Variants in BMPER observed in about 807,000 individuals in gnomAD.
BMPER encodes BMP-binding endothelial regulator protein.
In BMPER, 45 loss-of-function variants were observed where a neutral mutation model predicts 87.3. The observed-to-expected ratio is 0.52, with a 90% CI of 0.41 to 0.66. The LOEUF (loss-of-function observed/expected upper bound fraction) is 0.66, where lower values mean the gene tolerates loss of function less well. Ranked by LOEUF, BMPER falls within the 30% of genes least tolerant of loss-of-function variation. The probability of loss-of-function intolerance (pLI) is 0.00; values close to 1 mark genes in which losing one functional copy is unlikely to be tolerated. For missense variants in BMPER, 784 were observed against 867.5 expected, an observed-to-expected ratio of 0.90 and a Z score of 1.21; for synonymous variants, 326 against 316.2, an observed-to-expected ratio of 1.03 and a Z score of -0.33.
chr7:34,027,591 C>T (rs937132758), intron 6 of BMPER, among the ~76,000 whole-genome samples: 8 of 151,962 alleles, frequency 5.3e-5, no homozygotes, highest in African/African-American at 1.2e-4. Context: ...CTGACCCAAC[C>T]GCTATTTTCA....
At chr7:33,999,691 T>G (rs1193495127) in intron 6 of BMPER, among the ~76,000 whole-genome samples, 3 of 152,224 alleles carry the variant, frequency 2.0e-5, no homozygotes, top group Non-Finnish European at 4.4e-5. Context: ...TTTCTGACCT[T>G]CCCACAATCC....
chr7:33,940,777 G>A (rs1323566657), intron 3 of BMPER, among the ~76,000 whole-genome samples: 1 of 149,268 alleles, frequency 6.7e-6, no homozygotes, highest in Non-Finnish European at 1.5e-5. Flanking sequence ...GTTTACTTTG[G>A]AACTAAATAA....
chr7:33,905,419 G>GCCCCCCCCCCCCC, upstream of BMPER: 3 of 110,386 alleles, frequency 2.7e-5, no homozygotes, highest in Non-Finnish European at 5.3e-5. Flanking sequence ...CTCCCCGGGC[G>GCCCCCCCCCCCCC]CCCCCACACC....
At chr7:33,916,876 TG>T (rs1422395621) in intron 2 of BMPER, among the ~76,000 whole-genome samples, 4 of 152,152 alleles carry the variant, frequency 2.6e-5, no homozygotes, top group Non-Finnish European at 5.9e-5. Context: ...CCCCCCAGAA[TG>T]GAACTCCAAG....
In BMPER at chr7:33,928,173, G is replaced by A. The variant is rs531147309; in HGVS notation, c.220-9116G>A. On this transcript the variant is annotated intron_variant, in intron 2 of 14. Transcript: ENST00000649409. ...TTAGGAAGAGAGAAGGGTTGACTGA[G>A]GCATTTGGGCCCAGTAAAGGCAGGA... 5.9e-5 allele frequency among the ~76,000 whole-genome samples: 9 copies of A among 152,232 alleles called. No individual in the cohort carries two copies. In the East Asian group the frequency reaches 1.7e-3, roughly 29 times the overall value.
intron 3 of BMPER, among the ~76,000 whole-genome samples, chr7:33,961,181 G>A (rs1433571508): frequency 6.6e-6 from 1 of 152,192 alleles, no homozygotes; most frequent in Non-Finnish European, 1.5e-5. Context: ...CTGCAATGGA[G>A]GGAGTACAAG....
At chr7:33,974,631 GA>G (rs1329266835) in intron 5 of BMPER, 70 bp from the exon 6 acceptor site, 2 of 1,454,812 alleles carry the variant, frequency 1.4e-6, no homozygotes, top group Admixed American at 1.7e-5. Context: ...ATGAACTGTG[GA>G]TAGAAGGATT....
chr7:33,956,195 C>G (rs1186338738), intron 3 of BMPER, among the ~76,000 whole-genome samples: 1 of 152,032 alleles, frequency 6.6e-6, no homozygotes, highest in Non-Finnish European at 1.5e-5. Flanking sequence ...AGACTTGACA[C>G]CAAAAGCACT....
At chr7:34,046,275 A>G (rs1391298799) in intron 6 of BMPER, 31 bp from the exon 7 acceptor site, 1 of 1,599,480 alleles carries the variant, frequency 6.3e-7, no homozygotes, top group Non-Finnish European at 8.6e-7. Context: ...TTACTTTTCT[A>G]AATATGCTTT....
At chr7:33,957,962 A>T (rs1283712378) in intron 3 of BMPER, among the ~76,000 whole-genome samples, 1 of 152,202 alleles carries the variant, frequency 6.6e-6, no homozygotes, top group Non-Finnish European at 1.5e-5. Context: ...TAGATAACAC[A>T]TTTATTCTTT....
chr7:34,043,963 T>C (rs1448321547), intron 6 of BMPER, among the ~76,000 whole-genome samples: 2 of 152,204 alleles, frequency 1.3e-5, no homozygotes, highest in Admixed American at 6.5e-5. Context: ...TTAATCAGAG[T>C]CCCTGCTGAG....
At chr7:34,023,517 T>G (rs1331786104) in intron 6 of BMPER, among the ~76,000 whole-genome samples, 1 of 152,054 alleles carries the variant, frequency 6.6e-6, no homozygotes, top group Non-Finnish European at 1.5e-5. Flanking sequence ...TCTCTGTCTC[T>G]CTCCATGTTT....
chr7:33,994,950 T>G (rs1786361277), intron 6 of BMPER, among the ~76,000 whole-genome samples: 1 of 152,196 alleles, frequency 6.6e-6, no homozygotes, highest in Non-Finnish European at 1.5e-5. Context: ...GCAAATTATT[T>G]GACTGACTCT....
At chr7:34,019,576 A>G (rs1409192501) in intron 6 of BMPER, among the ~76,000 whole-genome samples, 1 of 152,058 alleles carries the variant, frequency 6.6e-6, no homozygotes, top group Non-Finnish European at 1.5e-5. Context: ...ATGATGTCAC[A>G]GGTACAAAAG....
chr7:33,972,411 C>A (rs960155439), intron 5 of BMPER, among the ~76,000 whole-genome samples: 1 of 152,296 alleles, frequency 6.6e-6, no homozygotes, highest in Middle Eastern at 3.4e-3. Context: ...TCTATTTCAG[C>A]AGTTGAAGTT....
intron 2 of BMPER, among the ~76,000 whole-genome samples, chr7:33,916,479 T>C (rs1784089057): frequency 6.6e-6 from 1 of 152,168 alleles, no homozygotes; most frequent in Non-Finnish European, 1.5e-5. Flanking sequence ...GCATCCTGCT[T>C]TCCAGCAAAC....
chr7:33,905,733 C>T lies in BMPER; in HGVS notation c.120C>T (p.Ser40=). Residue 40 remains serine, a synonymous_variant, in exon 1 of 15, where the codon TCC becomes TCT. Coordinates refer to ENST00000649409, the MANE Select transcript of BMPER (RefSeq NM_001365308.1). ...NCSGVPMSLA[S]SFLTGSVAKC... is the part of the protein sequence containing the mutation. ...CGGGGGTCCCCATGTCTCTGGCTTCCTCCTTCTTGACAGGTAGGGGAGGGG... is the reference window on the plus strand; with the variant it reads ...CGGGGGTCCCCATGTCTCTGGCTTCTTCCTTCTTGACAGGTAGGGGAGGGG... 6.2e-7 allele frequency: 1 copy of T among 1,612,446 alleles called. No individual in the cohort carries two copies. The highest frequency in any genetic ancestry group is 1.7e-4 in the Middle Eastern group (1 of 6,058).
chr7:34,092,033 C>T (rs969929168), intron 13 of BMPER, among the ~76,000 whole-genome samples: 1 of 152,198 alleles, frequency 6.6e-6, no homozygotes, highest in Non-Finnish European at 1.5e-5. Flanking sequence ...CCTAGCCTGC[C>T]TTTCACTGGC....
chr7:34,130,678 T>TC (rs1383280017), intron 13 of BMPER, among the ~76,000 whole-genome samples: 1 of 152,142 alleles, frequency 6.6e-6, no homozygotes, highest in Non-Finnish European at 1.5e-5. Flanking sequence ...GAGGGATCGC[T>TC]CCCATGGGGG....
Sources: gnomAD v4.1 joint callset for allele counts (sites outside exome capture counted in the v4.1 genomes callset) on GRCh38, gnomAD v4.1.1 for gene constraint, MANE v1.5 for transcripts, NCBI Gene and HGNC (gene_info 2026-07-23, HGNC 2026-07-21) for gene names.